The following JMJD1C variants were observed in gnomAD, a reference collection of about 807,000 sequenced individuals.
The protein encoded by JMJD1C is jumonji domain containing 1C, also known as jumonji domain-containing protein 1C.
JMJD1C carries 31 observed loss-of-function variants against 245.3 expected under a neutral mutation model. That is an observed-to-expected ratio of 0.13 (90% CI 0.09 to 0.17). The LOEUF is 0.17. JMJD1C is among the 10% of genes least tolerant of loss of function. JMJD1C has a pLI of 1.00. For missense variants in JMJD1C, 2,691 were observed against 3,000.2 expected (o/e 0.90, Z 2.41); for synonymous variants, 1,057 against 1,017.4 (o/e 1.04, Z -0.74).
chr10:63,299,648 CAT>C, intron 2 of JMJD1C, among the ~76,000 whole-genome samples: 1 of 152,176 alleles, frequency 6.6e-6, no homozygotes, highest in Non-Finnish European at 1.5e-5. Flanking sequence ...TACTGCTGCC[CAT>C]AGTTTTTGTA....
At chr10:63,312,951 C>G (rs553300446) in intron 2 of JMJD1C, among the ~76,000 whole-genome samples, 1 of 151,632 alleles carries the variant, frequency 6.6e-6, no homozygotes, top group Non-Finnish European at 1.5e-5. Flanking sequence ...TTTCTTAAAA[C>G]TTTTTTTTTC....
At chr10:63,448,227 C>A (rs934361309) in intron 1 of JMJD1C, among the ~76,000 whole-genome samples, 1 of 151,980 alleles carries the variant, frequency 6.6e-6, no homozygotes, top group Non-Finnish European at 1.5e-5. Flanking sequence ...TACAATCTCC[C>A]CTCACTGCAA....
rs561163831 is a variant in JMJD1C at position 63,173,831 on chromosome 10, G to A, written c.7401+2466C>T. Among the ~76,000 whole-genome samples, 6 of 121,046 alleles carry A rather than the reference G, an allele frequency of 5.0e-5. No individual in the cohort carries two copies. In the South Asian group the frequency reaches 1.5e-3, roughly 31 times the overall value. The allele number at this position is 121,046 out of a possible 152,430, so 79.4% of individuals were successfully genotyped here. A position where few individuals can be genotyped will look rare whatever the true frequency, so the allele number is the denominator to read the frequency against. On this transcript the variant is annotated intron_variant, in intron 24 of 25. Coordinates refer to ENST00000399262, the MANE Select transcript of JMJD1C (RefSeq NM_032776.3). ...AGATAAAAGACATTATCAGAAATTG[G>A]CAAAAAACACTCAAAACTCAGTAAG... is the stretch of plus-strand genomic sequence containing the variant.
Position 63,407,724 on chromosome 10 carries a change from T to TA in JMJD1C, c.169-27243dup, listed in dbSNP as rs1055855380. On this transcript the variant is annotated intron_variant, in intron 1 of 25. Transcript: ENST00000399262. ...GACCAAAGAGAAGAAAACAAAACATTAAAAAAAAAAAGAATATTCTGAATG... is the reference window on the plus strand; with the variant it reads ...GACCAAAGAGAAGAAAACAAAACATTAAAAAAAAAAAAGAATATTCTGAATG... Among the ~76,000 whole-genome samples the TA allele has an allele frequency of 9.9e-4, 104 of 104,694 alleles. 1 individual carries two copies. Among genetic ancestry groups the TA allele is most frequent in the South Asian group, 1.7e-3 (6 of 3,560 alleles). The allele number at this position is 104,694 out of a possible 152,430, so 68.7% of individuals were successfully genotyped here. A position where few individuals can be genotyped will look rare whatever the true frequency, so the allele number is the denominator to read the frequency against.
At chr10:63,311,760 T>C (rs191560329) in intron 2 of JMJD1C, among the ~76,000 whole-genome samples, 22 of 152,132 alleles carry the variant, frequency 1.4e-4, no homozygotes, top group African/African-American at 5.1e-4. Context: ...AACAACAAAT[T>C]TAGACAGTGA....
At chr10:63,202,746 T>C in intron 10 of JMJD1C, 2 of 985,446 alleles carry the variant, frequency 2.0e-6, no homozygotes, top group Non-Finnish European at 2.4e-6. Flanking sequence ...AAAATGTTTA[T>C]TTCCTCCATT....
chr10:63,204,686 A>G, intron 10 of JMJD1C: 1 of 985,458 alleles, frequency 1.0e-6, no homozygotes, highest in Non-Finnish European at 1.2e-6. Flanking sequence ...AGTAAATGGC[A>G]GGTATCCTTC....
rs1183261559 is a variant in JMJD1C, at chr10:63,380,420, A to C, written c.231T>G (p.Asp77Glu). The change falls in exon 2 of 26, where the codon GAT (aspartate) becomes GAG (glutamate). Residue 77 changes from aspartate (D) to glutamate (E), a missense_variant. By Grantham distance (45) the Asp-to-Glu change is conservative. This residue lies in a region of JMJD1C where 135 missense variants were observed against 115.5 expected (regional missense o/e 1.17). Coordinates refer to ENST00000399262, the MANE Select transcript of JMJD1C (RefSeq NM_032776.3). The stretch of plus-strand genomic sequence containing the variant: ...GGTATTCCACCAAGAAAGTTGAAAA[A>C]TCTTCATAAACTTTAACCCACTCTC... The part of the protein sequence containing the change: ...DKREWVKVYE[D>E]FSTFLVEYHL... 3.1e-6 allele frequency: 5 copies of C among 1,614,082 alleles called. No homozygotes were observed. The highest frequency in any genetic ancestry group is 3.3e-5 in the Admixed American group (2 of 60,022).
intron 1 of JMJD1C, among the ~76,000 whole-genome samples, chr10:63,382,185 TG>T (rs1435757055): frequency 6.6e-6 from 1 of 152,170 alleles, no homozygotes. Flanking sequence ...CACACCAGCC[TG>T]GGTGATAAGA....
chr10:63,234,426 A>G (rs1850406821), intron 3 of JMJD1C, among the ~76,000 whole-genome samples: 1 of 138,996 alleles, frequency 7.2e-6, no homozygotes, highest in African/African-American at 2.6e-5. Context: ...CATGGGAGGT[A>G]GAGGCTGCAG....
At chr10:63,329,924 C>T (rs951806953) in intron 2 of JMJD1C, among the ~76,000 whole-genome samples, 9 of 152,146 alleles carry the variant, frequency 5.9e-5, no homozygotes, top group Admixed American at 5.2e-4. Flanking sequence ...TTTTTTGAGA[C>T]GGAGTCTCGC....
intron 3 of JMJD1C, among the ~76,000 whole-genome samples, chr10:63,253,199 C>T (rs1294920094): frequency 5.3e-5 from 8 of 151,996 alleles, no homozygotes; most frequent in South Asian, 2.1e-4. Flanking sequence ...GTGATACTTG[C>T]GTAAGGACAG....
chr10:63,300,184 G>T (rs555881608), intron 2 of JMJD1C, among the ~76,000 whole-genome samples: 1 of 152,278 alleles, frequency 6.6e-6, no homozygotes, highest in South Asian at 2.1e-4. Context: ...AGGCAGTCTG[G>T]TAAGAAAGCC....
chr10:63,265,333 A>C (rs903431628), intron 2 of JMJD1C, among the ~76,000 whole-genome samples: 2 of 143,472 alleles, frequency 1.4e-5, no homozygotes, highest in African/African-American at 5.3e-5. Context: ...GGAGGAAGGG[A>C]GTAGAGAGAG....
chr10:63,501,628 T>A (rs936983595), intron 1 of JMJD1C, among the ~76,000 whole-genome samples: 1 of 152,004 alleles, frequency 6.6e-6, no homozygotes, highest in Non-Finnish European at 1.5e-5. Context: ...ATACAAAAAT[T>A]AGCCAGGCAT....
At chr10:63,324,663 C>A (rs569556559) in intron 2 of JMJD1C, among the ~76,000 whole-genome samples, 1 of 152,176 alleles carries the variant, frequency 6.6e-6, no homozygotes, top group Non-Finnish European at 1.5e-5. Context: ...AAACTCCTAC[C>A]TATAGAGCTC....
chr10:63,168,249 A>C lies in JMJD1C; in HGVS notation c.7534-115T>G, dbSNP rs577304861. The C allele has an allele frequency of 1.1e-5, 11 of 1,012,182 alleles. No homozygotes were observed. The African/African-American group carries it at 1.1e-4, about 10-fold the overall frequency. 62.7% of individuals were successfully genotyped at this position (1,012,182 alleles called of 1,614,324 possible). ...AACTAGGAAAGCCAAATATAAGAAAAATGTTTGAAAGTGTTAAGCCAAAAG... is the reference window on the plus strand; with the variant it reads ...AACTAGGAAAGCCAAATATAAGAAACATGTTTGAAAGTGTTAAGCCAAAAG... On this transcript the variant is annotated intron_variant, in intron 25 of 25. Coordinates refer to ENST00000399262, the MANE Select transcript of JMJD1C (RefSeq NM_032776.3).
rs1370109367 is a variant in JMJD1C at position 63,270,997 on chromosome 10, TAAGTC to T, written c.334-6238_334-6234del. 2.6e-5 allele frequency among the ~76,000 whole-genome samples: 4 copies of T among 152,146 alleles called. 1 individual carries two copies. The highest frequency in any genetic ancestry group is 9.7e-5 in the African/African-American group (4 of 41,410). On this transcript the variant is annotated intron_variant, in intron 2 of 25. Coordinates refer to ENST00000399262, the MANE Select transcript of JMJD1C (RefSeq NM_032776.3). ...AGAGCAGGAAAGCTGGCCATATACTTAAGTCAACCACGCTTCTGTATTACAATTTA... is the reference window on the plus strand; with the variant it reads ...AGAGCAGGAAAGCTGGCCATATACTTAACCACGCTTCTGTATTACAATTTA...
At chr10:63,233,563 G>T (rs1372723410) in intron 3 of JMJD1C, among the ~76,000 whole-genome samples, 6 of 151,916 alleles carry the variant, frequency 3.9e-5, no homozygotes, top group Admixed American at 3.3e-4. Flanking sequence ...TTATGTCCTG[G>T]AATTAAAATA....
Sources: allele counts gnomAD v4.1 joint callset (sites outside exome capture counted in the v4.1 genomes callset), GRCh38; gene constraint gnomAD v4.1.1; regional missense constraint gnomAD v4.1.1; transcripts MANE v1.5; gene names NCBI Gene and HGNC (gene_info 2026-07-23, HGNC 2026-07-21).